Variants in CSMD1 observed in about 807,000 individuals in gnomAD.
CSMD1 encodes CUB and Sushi multiple domains 1.
A neutral mutation model predicts 417.5 loss-of-function variants in CSMD1; 213 were observed. That is an observed-to-expected ratio of 0.51 (90% CI 0.46 to 0.57). The LOEUF (loss-of-function observed/expected upper bound fraction) is 0.57, where lower values mean the gene tolerates loss of function less well. Ranked by LOEUF, CSMD1 falls within the 20% of genes least tolerant of loss-of-function variation. The probability of loss-of-function intolerance (pLI) is 0.00; values close to 1 mark genes in which losing one functional copy is unlikely to be tolerated. For missense variants in CSMD1, 6,923 were observed against 4,529.7 expected (o/e 1.53, Z -15.17); for synonymous variants, 2,862 against 1,736.8 (o/e 1.65, Z -16.11).
intron 3 of CSMD1, among the ~76,000 whole-genome samples, chr8:4,134,397 A>C (rs1355271556): frequency 6.6e-6 from 1 of 152,178 alleles, no homozygotes; most frequent in Non-Finnish European, 1.5e-5. Flanking sequence ...GAAAGGCACA[A>C]AGGGATGACC....
At chr8:4,837,512 A>G (rs951993023) in intron 1 of CSMD1, among the ~76,000 whole-genome samples, 18 of 152,204 alleles carry the variant, frequency 1.2e-4, no homozygotes, top group African/African-American at 4.1e-4. Context: ...ACACAAAAGT[A>G]TAGCTTTTTG....
chr8:4,463,055 C>A (rs928650425), intron 2 of CSMD1, among the ~76,000 whole-genome samples: 1 of 152,116 alleles, frequency 6.6e-6, no homozygotes, highest in Non-Finnish European at 1.5e-5. Context: ...ATATAAATAA[C>A]TTGCATCTGG....
intron 4 of CSMD1, among the ~76,000 whole-genome samples, chr8:4,024,493 T>C (rs1194685868): frequency 2.0e-5 from 3 of 152,198 alleles, no homozygotes; most frequent in South Asian, 2.1e-4. Flanking sequence ...ACCCAAACTA[T>C]AGCTGACTTG....
chr8:3,770,624 G>A (rs1216402376), intron 5 of CSMD1, among the ~76,000 whole-genome samples: 2 of 152,120 alleles, frequency 1.3e-5, no homozygotes, highest in Non-Finnish European at 2.9e-5. Flanking sequence ...GGGAAGAAGG[G>A]TCTGAAAGGA....
At chr8:4,845,272 C>A (rs1388505685) in intron 1 of CSMD1, among the ~76,000 whole-genome samples, 1 of 152,146 alleles carries the variant, frequency 6.6e-6, no homozygotes, top group African/African-American at 2.4e-5. Flanking sequence ...AAGCCATCAA[C>A]ATTTTTCGAT....
intron 7 of CSMD1, among the ~76,000 whole-genome samples, chr8:3,647,315 T>C (rs527521707): frequency 2.6e-5 from 4 of 152,190 alleles, no homozygotes; most frequent in Non-Finnish European, 2.9e-5. Context: ...CTGGGTTGTA[T>C]CCTTGGCCAG....
At chr8:4,617,102 T>C (rs957608974) in intron 2 of CSMD1, among the ~76,000 whole-genome samples, 1 of 152,128 alleles carries the variant, frequency 6.6e-6, no homozygotes, top group African/African-American at 2.4e-5. Flanking sequence ...TTTCAAAATG[T>C]TTTTGAAACA....
rs138629610 is a variant in CSMD1 at position 4,308,444 on chromosome 8, G to A, written c.415+111509C>T. Among the ~76,000 whole-genome samples the A allele has an allele frequency of 3.7e-4, 56 of 152,160 alleles. 1 individual carries two copies. Among genetic ancestry groups the A allele is most frequent in the Middle Eastern group, 3.4e-3 (1 of 294 alleles). ...TGGAAAGTCTGATGATGGGAAAAAA[G>A]GTTTAGAAAAGGATGTGATCTTCAG... On this transcript the variant is annotated intron_variant, in intron 3 of 69. Transcript: ENST00000635120.
intron 50 of CSMD1, among the ~76,000 whole-genome samples, chr8:3,034,488 G>A (rs1427957357): frequency 6.6e-6 from 1 of 152,100 alleles, no homozygotes; most frequent in African/African-American, 2.4e-5. Context: ...CTTCTGTCTT[G>A]AGGTACAAAT....
rs566835483 is a variant in CSMD1 at position 3,748,957 on chromosome 8, T to C, written c.931+4973A>G. On this transcript the variant is annotated intron_variant, in intron 6 of 69. Transcript: ENST00000635120. ...TTATTACAAACACTTACTTTCATGA[T>C]GATTTATCAGTTACAGAAAATCAAT... 2.6e-5 allele frequency among the ~76,000 whole-genome samples: 4 copies of C among 152,362 alleles called. No homozygotes were observed. In the South Asian group the frequency reaches 8.3e-4, roughly 32 times the overall value.
chr8:3,131,499 T>C (rs1276243338), intron 41 of CSMD1, among the ~76,000 whole-genome samples: 1 of 145,966 alleles, frequency 6.9e-6, no homozygotes, highest in Non-Finnish European at 1.5e-5. Context: ...TGACATGGAG[T>C]CTCACTCTAT....
intron 3 of CSMD1, among the ~76,000 whole-genome samples, chr8:4,121,678 C>G (rs1802496138): frequency 6.7e-6 from 1 of 149,514 alleles, no homozygotes; most frequent in Admixed American, 6.6e-5. Flanking sequence ...TTTCTAATTT[C>G]AAAGTTGAAG....
intron 3 of CSMD1, among the ~76,000 whole-genome samples, chr8:4,247,891 G>T (rs976995063): frequency 6.6e-6 from 1 of 152,020 alleles, no homozygotes; most frequent in African/African-American, 2.4e-5. Flanking sequence ...TTTCTTGAGG[G>T]ATAAATTTTC....
At chr8:4,542,264 T>C (rs1235383099) in intron 2 of CSMD1, among the ~76,000 whole-genome samples, 2 of 152,112 alleles carry the variant, frequency 1.3e-5, no homozygotes, top group African/African-American at 4.8e-5. Flanking sequence ...TTTTTTGAAA[T>C]ATTAGGATAA....
chr8:3,906,443 G>T (rs1272617762), intron 5 of CSMD1, among the ~76,000 whole-genome samples: 2 of 152,070 alleles, frequency 1.3e-5, no homozygotes, highest in African/African-American at 2.4e-5. Context: ...TAATGCCTTA[G>T]AAATCATGAT....
At chr8:4,009,111 T>G (rs1249473288) in intron 4 of CSMD1, among the ~76,000 whole-genome samples, 8 of 152,198 alleles carry the variant, frequency 5.3e-5, no homozygotes, top group Non-Finnish European at 1.2e-4. Flanking sequence ...AAAAAATGGT[T>G]GAACACCACT....
At chr8:3,785,236 T>C (rs538753982) in intron 5 of CSMD1, among the ~76,000 whole-genome samples, 1 of 152,214 alleles carries the variant, frequency 6.6e-6, no homozygotes, top group Non-Finnish European at 1.5e-5. Context: ...TCACAGTTTG[T>C]GAAATGCTCA....
rs145251386 is a variant in CSMD1 at position 4,447,777 on chromosome 8, A to G, written c.303-27712T>C. On this transcript the variant is annotated intron_variant, in intron 2 of 69. Coordinates refer to ENST00000635120, the MANE Select transcript of CSMD1 (RefSeq NM_033225.6). ...CTTTTGCAGTTATGTATCAAGTGTTATAAAAGGAGAAGAAAATAAACGAAC... is the reference window on the plus strand; with the variant it reads ...CTTTTGCAGTTATGTATCAAGTGTTGTAAAAGGAGAAGAAAATAAACGAAC... Among the ~76,000 whole-genome samples the G allele has an allele frequency of 3.0e-3, 460 of 152,348 alleles. 3 individuals are homozygous for G. Among genetic ancestry groups the G allele is most frequent in the African/African-American group, 0.011 (445 of 41,580 alleles).
intron 50 of CSMD1, among the ~76,000 whole-genome samples, chr8:3,034,009 A>G (rs1485402165): frequency 6.6e-6 from 1 of 152,168 alleles, no homozygotes; most frequent in Non-Finnish European, 1.5e-5. Context: ...GCAGGTGCCC[A>G]GACGTGGCTC....
Sources: gnomAD v4.1 joint callset for allele counts (sites outside exome capture counted in the v4.1 genomes callset) on GRCh38, gnomAD v4.1.1 for gene constraint, MANE v1.5 for transcripts, NCBI Gene and HGNC (gene_info 2026-07-23, HGNC 2026-07-21) for gene names.